FAM227B: variants seen among roughly 807,000 people sequenced by gnomAD.
FAM227B encodes protein FAM227B.
Under a neutral mutation model 73.8 loss-of-function variants are expected in FAM227B, and 88 were observed. The ratio of observed to expected loss-of-function variants is 1.19; its 90% CI spans 1.00 to 1.42. The LOEUF is 1.42. Among genes scored for constraint, FAM227B ranks in the 40% most tolerant of loss-of-function variants. The pLI is 0.00. For missense variants in FAM227B, 632 were observed against 590.9 expected, an observed-to-expected ratio of 1.07 and a Z score of -0.72; for synonymous variants, 210 against 190.5, an observed-to-expected ratio of 1.10 and a Z score of -0.84.
chr15:49,521,100 T>C (rs1361172057), intron 10 of FAM227B, among the ~76,000 whole-genome samples: 2 of 152,106 alleles, frequency 1.3e-5, no homozygotes, highest in African/African-American at 4.8e-5. Flanking sequence ...CAAACCTGAA[T>C]TGAGGTGGTG....
intron 13 of FAM227B, among the ~76,000 whole-genome samples, chr15:49,354,658 G>T (rs1439597422): frequency 6.6e-6 from 1 of 152,146 alleles, no homozygotes; most frequent in Non-Finnish European, 1.5e-5. Flanking sequence ...AAGGTGGGCT[G>T]GGGGAGGGGC....
chr15:49,396,072 C>G (rs1382278719), intron 11 of FAM227B: 1 of 445,648 alleles, frequency 2.2e-6, no homozygotes, highest in African/African-American at 2.0e-5. Context: ...TTCTGCATTT[C>G]CATCTGAGGT....
Position 49,371,293 on chromosome 15 carries a change from A to G in FAM227B, c.1110+9T>C. ...TAAGAAATTTTTTCATAATTATTAT[A>G]CTCCAAACCTTTGTTGCTAGTCTTG... On this transcript the variant is annotated intron_variant, in intron 12 of 15. Transcript: ENST00000299338. 1 of 1,521,258 alleles carries G rather than the reference A, an allele frequency of 6.6e-7. No homozygotes were observed. Among genetic ancestry groups the G allele is most frequent in the Non-Finnish European group, 9.1e-7 (1 of 1,103,166 alleles). The allele number at this position is 1,521,258 out of a possible 1,614,324, so 94.2% of individuals were successfully genotyped here.
At chr15:49,491,036 C>T (rs11070696) in intron 11 of FAM227B, among the ~76,000 whole-genome samples, 40,301 of 151,698 alleles carry the variant, frequency 0.27, 5,609 homozygotes, top group East Asian at 0.38. Context: ...TCAGCAGTGC[C>T]GGAAGTAAAT....
At chr15:49,432,137 A>G (rs180768729) in intron 11 of FAM227B, among the ~76,000 whole-genome samples, 174 of 151,860 alleles carry the variant, frequency 1.1e-3, no homozygotes, top group African/African-American at 4.0e-3. Flanking sequence ...CACATTTGTT[A>G]TATTCTATTG....
chr15:49,366,248 A>C (rs2045164170), intron 13 of FAM227B: 1 of 786,418 alleles, frequency 1.3e-6, no homozygotes, highest in South Asian at 1.3e-5. Flanking sequence ...CTTCATATCT[A>C]TAAAGTCTTT....
chr15:49,542,391 TCAGTG>T (rs1323718816), intron 9 of FAM227B, among the ~76,000 whole-genome samples: 5 of 152,114 alleles, frequency 3.3e-5, no homozygotes, highest in African/African-American at 1.2e-4. Context: ...GAAAAGTTCT[TCAGTG>T]GTGATTTCTG....
intron 12 of FAM227B, among the ~76,000 whole-genome samples, chr15:49,369,882 C>A (rs2045693050): frequency 6.6e-6 from 1 of 152,124 alleles, no homozygotes; most frequent in South Asian, 2.1e-4. Context: ...AGAAGAAATA[C>A]TTATAAATAG....
intron 3 of FAM227B, among the ~76,000 whole-genome samples, chr15:49,594,850 G>C (rs2076800189): frequency 6.6e-6 from 1 of 152,012 alleles, no homozygotes; most frequent in Admixed American, 6.6e-5. Flanking sequence ...TTTGAAGTTG[G>C]GTATTATAAT....
chr15:49,478,237 C>A (rs2055545636), intron 11 of FAM227B, among the ~76,000 whole-genome samples: 1 of 152,126 alleles, frequency 6.6e-6, no homozygotes, highest in Admixed American at 6.6e-5. Flanking sequence ...TGTTGCAATT[C>A]TTTAATGATC....
intron 10 of FAM227B, among the ~76,000 whole-genome samples, chr15:49,526,338 A>T (rs1421411035): frequency 6.6e-6 from 1 of 152,098 alleles, no homozygotes; most frequent in Non-Finnish European, 1.5e-5. Context: ...GCAATAAAAA[A>T]ATTTTGAAAT....
At chr15:49,542,231 A>G (rs977762319) in intron 9 of FAM227B, among the ~76,000 whole-genome samples, 1 of 152,164 alleles carries the variant, frequency 6.6e-6, no homozygotes, top group African/African-American at 2.4e-5. Context: ...TCTTTTTATA[A>G]ACATTAGTAC....
chr15:49,396,857 T>C (rs574511322), intron 11 of FAM227B, among the ~76,000 whole-genome samples: 169 of 151,988 alleles, frequency 1.1e-3, no homozygotes, highest in South Asian at 4.4e-3. Context: ...ACATCACCAT[T>C]ATCAAAGACC....
intron 8 of FAM227B, among the ~76,000 whole-genome samples, chr15:49,570,390 C>G (rs1029393607): frequency 9.2e-5 from 14 of 151,806 alleles, no homozygotes; most frequent in Non-Finnish European, 1.6e-4. Flanking sequence ...TTTGTATTCC[C>G]CTAACGATTA....
chr15:49,526,591 C>T (rs931731988), intron 10 of FAM227B, among the ~76,000 whole-genome samples: 1 of 151,810 alleles, frequency 6.6e-6, no homozygotes, highest in African/African-American at 2.4e-5. Context: ...TGATACAAAA[C>T]ATTAATGAAA....
At chr15:49,597,860 T>G (rs910117124) in intron 3 of FAM227B, among the ~76,000 whole-genome samples, 2 of 151,666 alleles carry the variant, frequency 1.3e-5, no homozygotes. Context: ...ACACATAAAC[T>G]AGAAAACCTA....
chr15:49,412,477 C>T (rs1403465222), intron 11 of FAM227B, among the ~76,000 whole-genome samples: 1 of 151,756 alleles, frequency 6.6e-6, no homozygotes, highest in Admixed American at 6.6e-5. Flanking sequence ...TAATTTTTTT[C>T]AAAATATCAA....
At chr15:49,365,462 A>G (rs901245013) in intron 13 of FAM227B, 4 of 883,428 alleles carry the variant, frequency 4.5e-6, no homozygotes, top group African/African-American at 1.6e-5. Flanking sequence ...CCAAAGCCCA[A>G]TATTGAAACA....
chr15:49,358,668 T>G (rs1381391308), intron 13 of FAM227B, among the ~76,000 whole-genome samples: 2 of 150,212 alleles, frequency 1.3e-5, no homozygotes, highest in Non-Finnish European at 3.0e-5. Context: ...CAGCCCAAGG[T>G]AATTTACAGA....
Sources: allele counts gnomAD v4.1 joint callset (sites outside exome capture counted in the v4.1 genomes callset), GRCh38; gene constraint gnomAD v4.1.1; transcripts MANE v1.5; gene names NCBI Gene and HGNC (gene_info 2026-07-23, HGNC 2026-07-21).